DNM3: variants seen among roughly 807,000 people sequenced by gnomAD.
DNM3 encodes the protein dynamin 3.
Under a neutral mutation model 101.6 loss-of-function variants are expected in DNM3, and 47 were observed. The ratio of observed to expected loss-of-function variants is 0.46; its 90% CI spans 0.37 to 0.59. The LOEUF (loss-of-function observed/expected upper bound fraction) is 0.59. Among genes scored for constraint, DNM3 ranks in the 20% least tolerant of loss-of-function variants. The pLI is 0.00. For missense variants in DNM3, 849 were observed against 1,085.7 expected (o/e 0.78, Z 3.06); for synonymous variants, 385 against 387.9 (o/e 0.99, Z 0.09).
intron 14 of DNM3, among the ~76,000 whole-genome samples, chr1:172,231,866 AAT>A (rs2061349663): frequency 6.6e-6 from 1 of 152,166 alleles, no homozygotes; most frequent in Non-Finnish European, 1.5e-5. Flanking sequence ...AAATGAATGA[AAT>A]GAAGCGAGAA....
At chr1:172,200,356 C>A (rs565519415) in intron 14 of DNM3, among the ~76,000 whole-genome samples, 1 of 152,230 alleles carries the variant, frequency 6.6e-6, no homozygotes, top group East Asian at 1.9e-4. Flanking sequence ...TTCATTTTGA[C>A]CTTGGAAAAT....
At chr1:172,176,876 ATAT>A (rs2059169900) in intron 14 of DNM3, among the ~76,000 whole-genome samples, 1 of 151,826 alleles carries the variant, frequency 6.6e-6, no homozygotes, top group South Asian at 2.1e-4. Flanking sequence ...CTATTTGGAT[ATAT>A]TATAGAAAAG....
At chr1:172,201,731 T>C (rs2060159895) in intron 14 of DNM3, among the ~76,000 whole-genome samples, 1 of 152,232 alleles carries the variant, frequency 6.6e-6, no homozygotes, top group African/African-American at 2.4e-5. Flanking sequence ...AGGCTTTCAG[T>C]TGCCCCTGGG....
At chr1:171,953,997 A>G (rs2042696222) in intron 2 of DNM3, among the ~76,000 whole-genome samples, 1 of 152,120 alleles carries the variant, frequency 6.6e-6, no homozygotes, top group Non-Finnish European at 1.5e-5. Flanking sequence ...GACATCCAAT[A>G]CTGCATGCAA....
intron 12 of DNM3, among the ~76,000 whole-genome samples, chr1:172,087,769 C>G (rs1441011092): frequency 3.9e-5 from 6 of 152,214 alleles, no homozygotes; most frequent in Non-Finnish European, 8.8e-5. Context: ...CTGTCATCCT[C>G]TTTCTCATTC....
At chr1:172,396,366 C>A (rs2070000416) in intron 20 of DNM3, among the ~76,000 whole-genome samples, 6 of 152,130 alleles carry the variant, frequency 3.9e-5, no homozygotes, top group Admixed American at 3.9e-4. Flanking sequence ...TTCATAAAAT[C>A]AACTTTTTCT....
intron 4 of DNM3, among the ~76,000 whole-genome samples, chr1:172,001,933 G>C (rs1337953025): frequency 1.3e-5 from 2 of 152,032 alleles, no homozygotes; most frequent in African/African-American, 2.4e-5. Flanking sequence ...CCAATCTGCT[G>C]TCTGGTCATA....
chr1:171,955,537 A>G (rs1490624315), intron 2 of DNM3, among the ~76,000 whole-genome samples: 1 of 152,168 alleles, frequency 6.6e-6, no homozygotes, highest in Non-Finnish European at 1.5e-5. Context: ...ATAAAATGAT[A>G]AAGCTATTAT....
chr1:172,319,130 A>C (rs1383414881), intron 16 of DNM3, among the ~76,000 whole-genome samples: 1 of 152,198 alleles, frequency 6.6e-6, no homozygotes, highest in Non-Finnish European at 1.5e-5. Flanking sequence ...AAAAACAAGC[A>C]ATGAGGAAAG....
chr1:172,056,272 A>G (rs918466849), intron 10 of DNM3, among the ~76,000 whole-genome samples: 294 of 152,284 alleles, frequency 1.9e-3, no homozygotes, highest in African/African-American at 6.8e-3. Flanking sequence ...GGGGAGGGGC[A>G]CCCGACATTG....
intron 2 of DNM3, chr1:171,987,380 C>A (rs2045337407): frequency 1.1e-6 from 1 of 925,116 alleles, no homozygotes. Flanking sequence ...CCAAAATTTT[C>A]TTTAAATTAT....
intron 15 of DNM3, among the ~76,000 whole-genome samples, chr1:172,286,723 C>A (rs1023648821): frequency 1.3e-5 from 2 of 152,166 alleles, no homozygotes; most frequent in African/African-American, 4.8e-5. Flanking sequence ...GGAACCAAAA[C>A]CATCACCCTC....
Position 172,366,344 on chromosome 1 carries a change from T to C in DNM3, c.1894-12674T>C, listed in dbSNP as rs149539238. ...GAGGCTTTCCCCAATATCAATTTAA[T>C]TCATAAATTTAGTATTAGCCCTCCA... On this transcript the variant is annotated intron_variant, in intron 17 of 20. Transcript: ENST00000627582. 3.7e-3 allele frequency among the ~76,000 whole-genome samples: 560 copies of C among 152,060 alleles called. 3 individuals carry two copies. The highest frequency in any genetic ancestry group is 0.013 in the African/African-American group (530 of 41,520).
Position 171,887,503 on chromosome 1 carries a change from T to G in DNM3, c.162-34245T>G, listed in dbSNP as rs528332846. On this transcript the variant is annotated intron_variant, in intron 1 of 20. Coordinates refer to ENST00000627582, the MANE Select transcript of DNM3 (RefSeq NM_015569.5). ...TAAAGCCAAATTCTTGGCCTGTTTA[T>G]AAGTTCTTTGGTTTGACTTTGTTAT... Among the ~76,000 whole-genome samples, 4 of 152,370 alleles carry G rather than the reference T, an allele frequency of 2.6e-5. No homozygotes were observed. In the East Asian group the frequency reaches 7.7e-4, roughly 29 times the overall value.
At chr1:172,395,300 A>G (rs1017768732) in intron 20 of DNM3, among the ~76,000 whole-genome samples, 23 of 151,558 alleles carry the variant, frequency 1.5e-4, no homozygotes, top group African/African-American at 5.6e-4. Flanking sequence ...CCTCCTGAGT[A>G]GCTGGGATTA....
At chr1:172,258,305 C>T (rs148073162) in intron 15 of DNM3, among the ~76,000 whole-genome samples, 10 of 151,990 alleles carry the variant, frequency 6.6e-5, no homozygotes, top group East Asian at 3.9e-4. Flanking sequence ...TACCCAGTAA[C>T]GAAGTAGTTC....
intron 17 of DNM3, among the ~76,000 whole-genome samples, chr1:172,354,112 T>TGTGTGTGAGAGAGA (rs138540712): frequency 5.9e-4 from 56 of 94,962 alleles, no homozygotes; most frequent in South Asian, 2.6e-3. Flanking sequence ...TGTGTGTGTG[T>TGTGTGTGAGAGAGA]GAGAGAGAGA....
In DNM3 at chr1:171,995,760, A is replaced by G. The variant is rs1424293596; in HGVS notation, c.589+6612A>G. ...CCACTTAATGTACATCTTTCCTGAT[A>G]TTTTGCCCTTGGCTAAGCAGGATGA... On this transcript the variant is annotated intron_variant, in intron 4 of 20. Transcript: ENST00000627582. Among the ~76,000 whole-genome samples the G allele has an allele frequency of 2.0e-5, 3 of 152,136 alleles. No homozygotes were observed. In the East Asian group the frequency reaches 5.8e-4, roughly 29 times the overall value.
intron 17 of DNM3, chr1:172,376,221 T>C (rs963808990): frequency 6.6e-6 from 1 of 152,092 alleles, no homozygotes; most frequent in Non-Finnish European, 1.5e-5. Flanking sequence ...ATTGTATTTT[T>C]TAGAAACAAG....
Sources: allele counts gnomAD v4.1 joint callset (sites outside exome capture counted in the v4.1 genomes callset), GRCh38; gene constraint gnomAD v4.1.1; transcripts MANE v1.5; gene names NCBI Gene and HGNC (gene_info 2026-07-23, HGNC 2026-07-21).